Variants in ATOSA observed in about 807,000 individuals in gnomAD.
ATOSA encodes the protein atos homolog protein A.
chr15:52,651,312 T>A, the ATOSA span, among the ~76,000 whole-genome samples: 1 of 152,200 alleles, frequency 6.6e-6, no homozygotes, highest in Non-Finnish European at 1.5e-5. Flanking sequence ...GATTAAATAA[T>A]TAAGAGATTG....
chr15:52,669,013 C>G, the ATOSA span, among the ~76,000 whole-genome samples: 1 of 151,680 alleles, frequency 6.6e-6, no homozygotes, highest in Non-Finnish European at 1.5e-5. Context: ...TCACGCCATT[C>G]TCCTGCCTCA....
chr15:52,590,336 C>T, the ATOSA span, among the ~76,000 whole-genome samples: 1 of 152,174 alleles, frequency 6.6e-6, no homozygotes, highest in Admixed American at 6.5e-5. Context: ...TGGTTTCACA[C>T]TGCAACCGTT....
At chr15:52,601,145 TTG>T in the ATOSA span, 1 of 1,544,846 alleles carries the variant, frequency 6.5e-7, no homozygotes, top group East Asian at 2.4e-5. Context: ...AGCAACCTGA[TTG>T]TGTTTTTCTT....
the ATOSA span, among the ~76,000 whole-genome samples, chr15:52,625,860 T>C: frequency 6.6e-6 from 1 of 152,178 alleles, no homozygotes; most frequent in Non-Finnish European, 1.5e-5. Flanking sequence ...CATAGAGCAG[T>C]AGTAAAGGGC....
chr15:52,686,032 C>T, the ATOSA span, among the ~76,000 whole-genome samples: 6 of 152,160 alleles, frequency 3.9e-5, no homozygotes, highest in Admixed American at 3.3e-4. Context: ...ACTTTAGGTT[C>T]AGTAGAGTTT....
chr15:52,657,119 A>T, the ATOSA span: 1 of 152,160 alleles, frequency 6.6e-6, no homozygotes, highest in Non-Finnish European at 1.5e-5. Context: ...AAATTAAGGT[A>T]GCCGTTGGGT....
At chr15:52,661,608 T>C in the ATOSA span, among the ~76,000 whole-genome samples, 7,536 of 152,160 alleles carry the variant, frequency 0.05, 342 homozygotes, top group East Asian at 0.26. Flanking sequence ...CTTTTTAAAG[T>C]GGATTTAATA....
the ATOSA span, among the ~76,000 whole-genome samples, chr15:52,655,184 T>C: frequency 1.3e-5 from 2 of 152,148 alleles, no homozygotes; most frequent in African/African-American, 4.8e-5. Context: ...ATTTCTTACA[T>C]ATGTTACTTA....
At chr15:52,614,722 T>C in the ATOSA span, among the ~76,000 whole-genome samples, 5 of 151,718 alleles carry the variant, frequency 3.3e-5, no homozygotes, top group South Asian at 1.0e-3. Context: ...GTGGCGCATG[T>C]CTGTAATCTC....
chr15:52,632,600 C>T, the ATOSA span, among the ~76,000 whole-genome samples: 1 of 152,074 alleles, frequency 6.6e-6, no homozygotes, highest in Non-Finnish European at 1.5e-5. Flanking sequence ...GCACACTTTG[C>T]TATGATAGGA....
chr15:52,663,008 T>C, the ATOSA span, among the ~76,000 whole-genome samples: 1 of 152,180 alleles, frequency 6.6e-6, no homozygotes, highest in Admixed American at 6.5e-5. Flanking sequence ...TAAGACTGTC[T>C]GATACTAGCA....
At chr15:52,650,368 C>T in the ATOSA span, among the ~76,000 whole-genome samples, 1 of 152,120 alleles carries the variant, frequency 6.6e-6, no homozygotes, top group African/African-American at 2.4e-5. Context: ...TTGGCTGCAC[C>T]TTACAAACTT....
chr15:52,684,456 G>A, the ATOSA span, among the ~76,000 whole-genome samples: 1 of 152,160 alleles, frequency 6.6e-6, no homozygotes, highest in Non-Finnish European at 1.5e-5. Flanking sequence ...AGGATCACTT[G>A]AGCCCAGGAG....
chr15:52,663,590 G>A, the ATOSA span, among the ~76,000 whole-genome samples: 1 of 124,436 alleles, frequency 8.0e-6, no homozygotes, highest in Non-Finnish European at 1.9e-5. Context: ...ATATTGTTAA[G>A]ATGACACATA....
chr15:52,630,540 A>T, the ATOSA span, among the ~76,000 whole-genome samples: 1 of 152,220 alleles, frequency 6.6e-6, no homozygotes, highest in Non-Finnish European at 1.5e-5. Context: ...AAAATTGACT[A>T]AATATTGCTA....
the ATOSA span, among the ~76,000 whole-genome samples, chr15:52,600,663 A>G: frequency 6.6e-6 from 1 of 152,166 alleles, no homozygotes; most frequent in Non-Finnish European, 1.5e-5. Flanking sequence ...TCTACTGGAA[A>G]TAAATAATAA....
the ATOSA span, among the ~76,000 whole-genome samples, chr15:52,707,053 T>G: frequency 6.6e-6 from 1 of 152,144 alleles, no homozygotes; most frequent in East Asian, 1.9e-4. Flanking sequence ...TGAAATATAT[T>G]AATAAAACTG....
chr15:52,693,137 G>A, the ATOSA span, among the ~76,000 whole-genome samples: 1 of 151,884 alleles, frequency 6.6e-6, no homozygotes, highest in Non-Finnish European at 1.5e-5. Flanking sequence ...AAACTATTTC[G>A]GGCCAGGTGC....
the ATOSA span, among the ~76,000 whole-genome samples, chr15:52,606,409 T>C: frequency 6.6e-6 from 1 of 152,210 alleles, no homozygotes; most frequent in South Asian, 2.1e-4. Flanking sequence ...CTCTACCATT[T>C]ATTAGCTTTG....
Sources: gnomAD v4.1 joint callset for allele counts (sites outside exome capture counted in the v4.1 genomes callset) on GRCh38, gnomAD v4.1.1 for gene constraint, MANE v1.5 for transcripts, NCBI Gene and HGNC (gene_info 2026-07-23, HGNC 2026-07-21) for gene names.